HECW1: variants seen among roughly 807,000 people sequenced by gnomAD.
HECW1 encodes the protein E3 ubiquitin-protein ligase HECW1.
In HECW1, 61 loss-of-function variants were observed where a neutral mutation model predicts 182.3. The ratio of observed to expected loss-of-function variants is 0.33; its 90% CI spans 0.27 to 0.41. The LOEUF (loss-of-function observed/expected upper bound fraction) is 0.41. Among genes scored for constraint, HECW1 ranks in the 10% least tolerant of loss-of-function variants. The pLI is 1.00. For missense variants in HECW1, 1,739 were observed against 2,108.9 expected (o/e 0.82, Z 3.44); for synonymous variants, 859 against 832.6 (o/e 1.03, Z -0.55).
intron 5 of HECW1, among the ~76,000 whole-genome samples, chr7:43,343,811 C>T (rs889758842): frequency 6.6e-6 from 1 of 151,800 alleles, no homozygotes; most frequent in Non-Finnish European, 1.5e-5. Context: ...ATTTCTAGTT[C>T]TAGATCCTTG....
In HECW1 at chr7:43,243,764, G is replaced by T. The variant is rs989478561; in HGVS notation, c.-31-111G>T. The stretch of plus-strand genomic sequence containing the variant: ...TTCCTTTTGCACGTCGGTTGCCCAG[G>T]CCAGGTATCTTGGCGGGGGTGGGGG... On this transcript the variant is annotated intron_variant, in intron 2 of 29. Transcript: ENST00000395891. This position sits in a 1 kb window ranked among gnomAD's most constrained non-coding sequence, Gnocchi z 4.0. The T allele has an allele frequency of 6.0e-6, 5 of 832,484 alleles. No individual in the cohort carries two copies. Among genetic ancestry groups the T allele is most frequent in the South Asian group, 1.4e-5 (1 of 72,664 alleles). 51.6% of individuals were successfully genotyped at this position (832,484 alleles called of 1,614,324 possible).
At chr7:43,498,542 GC>G (rs2079202035) in intron 19 of HECW1, among the ~76,000 whole-genome samples, 2 of 152,180 alleles carry the variant, frequency 1.3e-5, no homozygotes, top group South Asian at 4.1e-4. Flanking sequence ...GGAGGAGAAA[GC>G]CCAGGGCTGG....
At chr7:43,301,125 G>T (rs950464870) in intron 3 of HECW1, among the ~76,000 whole-genome samples, 3 of 152,148 alleles carry the variant, frequency 2.0e-5, no homozygotes, top group African/African-American at 7.2e-5. Flanking sequence ...ACTCTCCAAT[G>T]GAGAAGGTCT....
chr7:43,523,236 C>A (rs1453980891), intron 24 of HECW1: 1 of 234,978 alleles, frequency 4.3e-6, no homozygotes, highest in African/African-American at 2.4e-5. Flanking sequence ...AACTCCTGAC[C>A]TCAGTTGATT....
Position 43,561,625 on chromosome 7 carries a change from C to A in HECW1, c.4710-190C>A, listed in dbSNP as rs117600440. On this transcript the variant is annotated intron_variant, in intron 29 of 29. Transcript: ENST00000395891. ...GCAAACAACCCATTTTTAGTTATTC[C>A]ATTCCTTCCACCAGTCTATTCATTC... 2.5e-3 allele frequency among the ~76,000 whole-genome samples: 382 copies of A among 152,268 alleles called. 6 individuals are homozygous for A. The East Asian group carries it at 0.043, about 17-fold the overall frequency.
rs200234231 is a variant in HECW1 at position 43,469,057 on chromosome 7, G to A, written c.3051G>A (p.Arg1017=). The A allele has an allele frequency of 6.2e-7, 1 of 1,614,198 alleles. No homozygotes were observed. The highest frequency in any genetic ancestry group is 1.7e-5 in the Admixed American group (1 of 60,030). ...VNFINMFADT[R]LELPRGWEIK... ...TCATCAACATGTTCGCAGACACTCG[G>A]CTGGAACTGCCCCGGGGCTGGGAGA... Residue 1017 remains arginine (R), a synonymous_variant, in exon 16 of 30, where the codon CGG becomes CGA. Coordinates refer to ENST00000395891, the MANE Select transcript of HECW1 (RefSeq NM_015052.5).
chr7:43,234,685 T>G (rs956796292), intron 2 of HECW1, among the ~76,000 whole-genome samples: 2 of 152,232 alleles, frequency 1.3e-5, no homozygotes, highest in Non-Finnish European at 2.9e-5. Context: ...TTCTTGAAGT[T>G]GCATGATCTC....
chr7:43,462,566 CAG>C (rs1288537895), intron 13 of HECW1, among the ~76,000 whole-genome samples: 1 of 152,110 alleles, frequency 6.6e-6, no homozygotes, highest in South Asian at 2.1e-4. Context: ...ATCGGAGACT[CAG>C]GGGGTGGGGC....
chr7:43,464,913 C>CA (rs1490957667), intron 14 of HECW1, among the ~76,000 whole-genome samples: 1 of 152,032 alleles, frequency 6.6e-6, no homozygotes, highest in Non-Finnish European at 1.5e-5. Context: ...ACAGTCCTCC[C>CA]AACACAGCCT....
chr7:43,266,614 G>A (rs1050431975), intron 3 of HECW1, among the ~76,000 whole-genome samples: 15 of 152,156 alleles, frequency 9.9e-5, no homozygotes, highest in African/African-American at 2.7e-4. Context: ...GATTACAGGC[G>A]TGAGCCACCG....
At chr7:43,298,852 C>T (rs1431591520) in intron 3 of HECW1, among the ~76,000 whole-genome samples, 1 of 152,222 alleles carries the variant, frequency 6.6e-6, no homozygotes, top group East Asian at 1.9e-4. Context: ...CTCGAGGCTC[C>T]TTTCACAGCT....
intron 2 of HECW1, among the ~76,000 whole-genome samples, chr7:43,129,953 AC>A (rs1562576700): frequency 6.6e-6 from 1 of 152,232 alleles, no homozygotes; most frequent in East Asian, 1.9e-4. Context: ...AAAAGTCTGT[AC>A]ATGTTCATAT....
At position 43,361,970 on chromosome 7, in the gene HECW1, T is replaced by C. The variant is rs184378547; in HGVS notation, c.555+990T>C. Among the ~76,000 whole-genome samples the C allele has an allele frequency of 7.5e-3, 1,128 of 151,062 alleles. 11 individuals carry two copies. The highest frequency in any genetic ancestry group is 0.026 in the African/African-American group (1,076 of 41,264). ...CAGCCTGGCCAACATGGTGAAACGC[T>C]GTCTCTACTAAAAATACAAAATTAG... On this transcript the variant is annotated intron_variant, in intron 6 of 29. Coordinates refer to ENST00000395891, the MANE Select transcript of HECW1 (RefSeq NM_015052.5).
intron 6 of HECW1, among the ~76,000 whole-genome samples, chr7:43,371,465 T>C (rs1188996464): frequency 1.3e-5 from 2 of 152,064 alleles, no homozygotes; most frequent in Non-Finnish European, 2.9e-5. Flanking sequence ...TGCTGTAAAA[T>C]AAATGAAAGG....
chr7:43,265,783 T>A (rs1801715923), intron 3 of HECW1, among the ~76,000 whole-genome samples: 1 of 152,158 alleles, frequency 6.6e-6, no homozygotes, highest in African/African-American at 2.4e-5. Context: ...GTTCCCAGGA[T>A]TCCCATGCTT....
chr7:43,313,423 T>C (rs904382274), intron 4 of HECW1, among the ~76,000 whole-genome samples: 1 of 151,150 alleles, frequency 6.6e-6, no homozygotes, highest in Non-Finnish European at 1.5e-5. Flanking sequence ...CCGCAACCTC[T>C]GCCTCCCGGG....
At chr7:43,404,645 T>C (rs1378662251) in intron 7 of HECW1, among the ~76,000 whole-genome samples, 1 of 152,178 alleles carries the variant, frequency 6.6e-6, no homozygotes, top group Non-Finnish European at 1.5e-5. Flanking sequence ...ATGCCAAAGT[T>C]GACATTTTTA....
intron 19 of HECW1, 125 bp from the exon 20 acceptor site, chr7:43,500,574 T>C (rs1194996278): frequency 3.8e-6 from 3 of 786,894 alleles, no homozygotes; most frequent in Non-Finnish European, 6.5e-6. Context: ...TTCTGCAAAA[T>C]ACATAGGACG....
intron 3 of HECW1, chr7:43,274,372 C>T (rs1474361932): frequency 4.6e-6 from 3 of 652,336 alleles, no homozygotes; most frequent in Non-Finnish European, 8.0e-6. Context: ...TGAGAAGGTC[C>T]CCCTGCGGGT....
Sources: allele counts gnomAD v4.1 joint callset (sites outside exome capture counted in the v4.1 genomes callset), GRCh38; gene constraint gnomAD v4.1.1; non-coding constraint Gnocchi (gnomAD v3.1); transcripts MANE v1.5; gene names NCBI Gene and HGNC (gene_info 2026-07-23, HGNC 2026-07-21).